The following RASAL2 variants were observed in gnomAD, a reference collection of about 807,000 sequenced individuals.
The protein encoded by RASAL2 is RAS protein activator like 2.
Under a neutral mutation model 128.9 loss-of-function variants are expected in RASAL2, and 58 were observed. That is an observed-to-expected ratio of 0.45 (90% CI 0.36 to 0.56). The LOEUF (loss-of-function observed/expected upper bound fraction) is 0.56. Ranked by LOEUF, RASAL2 falls within the 20% of genes least tolerant of loss-of-function variation. The pLI, the probability that RASAL2 is intolerant of heterozygous loss-of-function variation, is 0.00. For missense variants in RASAL2, 1,360 were observed against 1,601.6 expected (o/e 0.85, Z 2.57); for synonymous variants, 561 against 580.8 (o/e 0.97, Z 0.49).
intron 1 of RASAL2, among the ~76,000 whole-genome samples, chr1:178,154,519 CA>C (rs1348826298): frequency 6.6e-6 from 1 of 152,164 alleles, no homozygotes; most frequent in Non-Finnish European, 1.5e-5. Context: ...CTCCTATTAG[CA>C]GTGTATGAGG....
At chr1:178,460,751 CT>C (rs556077070) in intron 14 of RASAL2, among the ~76,000 whole-genome samples, 1 of 149,730 alleles carries the variant, frequency 6.7e-6, no homozygotes. Context: ...GCTCAAGTTT[CT>C]TTTTTTTTTC....
chr1:178,369,469 C>T (rs1671586167), intron 3 of RASAL2, among the ~76,000 whole-genome samples: 2 of 151,892 alleles, frequency 1.3e-5, no homozygotes, highest in South Asian at 4.2e-4. Context: ...AGTGATCTGC[C>T]TGCCTCAGCC....
At chr1:178,172,688 G>A (rs1015851865) in intron 1 of RASAL2, among the ~76,000 whole-genome samples, 4 of 152,054 alleles carry the variant, frequency 2.6e-5, no homozygotes, top group African/African-American at 4.8e-5. Context: ...ATTTCAGTAT[G>A]TAAACACTTA....
intron 1 of RASAL2, among the ~76,000 whole-genome samples, chr1:178,222,121 G>A (rs1276775131): frequency 6.6e-6 from 1 of 152,106 alleles, no homozygotes; most frequent in East Asian, 1.9e-4. Flanking sequence ...TAATCTATGT[G>A]TGTCTTTATA....
chr1:178,364,663 A>G (rs576533313), intron 3 of RASAL2, among the ~76,000 whole-genome samples: 4 of 152,338 alleles, frequency 2.6e-5, no homozygotes, highest in South Asian at 4.1e-4. Context: ...AATCATAGGT[A>G]TATTGGGTTT....
chr1:178,461,259 GA>G (rs1344001240), intron 14 of RASAL2, among the ~76,000 whole-genome samples: 1 of 152,172 alleles, frequency 6.6e-6, no homozygotes, highest in African/African-American at 2.4e-5. Flanking sequence ...TTCTCTCCCA[GA>G]AACTAGAGGA....
chr1:178,097,355 G>A (rs1658731500), intron 1 of RASAL2, among the ~76,000 whole-genome samples: 1 of 152,160 alleles, frequency 6.6e-6, no homozygotes, highest in Admixed American at 6.5e-5. Context: ...TTACCTGCAG[G>A]TTGGCCTATA....
intron 6 of RASAL2, among the ~76,000 whole-genome samples, 198 bp from the exon 7 acceptor site, chr1:178,441,351 C>T (rs1027444170): frequency 6.6e-5 from 10 of 152,106 alleles, no homozygotes; most frequent in African/African-American, 2.4e-4. Flanking sequence ...GGATGTCGCT[C>T]ATTAGGTTAT....
In RASAL2 at chr1:178,478,310, C is replaced by T. The variant is rs1648814917; in HGVS notation, c.*5071C>T. The T allele has an allele frequency of 6.6e-6, 1 of 152,120 alleles. No homozygotes were observed. The highest frequency in any genetic ancestry group is 2.4e-5 in the African/African-American group (1 of 41,416). 9.4% of individuals were successfully genotyped at this position (152,120 alleles called of 1,614,324 possible). ...GTGATTTCCAAATTTTCGAGGGAAA[C>T]ATTTCAATTCCCAGTTCAACAAAAG... On this transcript the variant is annotated 3_prime_UTR_variant, in exon 18 of 18. Coordinates refer to ENST00000367649, the MANE Select transcript of RASAL2 (RefSeq NM_170692.4).
rs573630169 is a variant in RASAL2 at position 178,294,951 on chromosome 1, A to C, written c.331-5041A>C. Among the ~76,000 whole-genome samples the C allele has an allele frequency of 6.6e-5, 10 of 152,294 alleles. No homozygotes were observed. The South Asian group carries it at 2.1e-3, about 32-fold the overall frequency. The stretch of plus-strand genomic sequence containing the variant: ...AGTATATTGAAAACAGAATAGAGAT[A>C]CTAGTGGTCATGTTGAGCAATGACA... On this transcript the variant is annotated intron_variant, in intron 2 of 17. Coordinates refer to ENST00000367649, the MANE Select transcript of RASAL2 (RefSeq NM_170692.4).
In RASAL2 at chr1:178,135,877, C is replaced by T. The variant is rs533917543; in HGVS notation, c.202+41183C>T. ...GATAAAACCATCAGGTCTCATGAGACGTATTCACTAACACGAGAACAGTAT... is the reference window on the plus strand; with the variant it reads ...GATAAAACCATCAGGTCTCATGAGATGTATTCACTAACACGAGAACAGTAT... On this transcript the variant is annotated intron_variant, in intron 1 of 17. Coordinates refer to ENST00000367649, the MANE Select transcript of RASAL2 (RefSeq NM_170692.4). Among the ~76,000 whole-genome samples the T allele has an allele frequency of 4.6e-5, 7 of 152,158 alleles. No individual in the cohort carries two copies. The East Asian group carries it at 1.2e-3, about 25-fold the overall frequency.
chr1:178,350,009 T>A (rs534772798), intron 3 of RASAL2, among the ~76,000 whole-genome samples: 2 of 152,346 alleles, frequency 1.3e-5, no homozygotes, highest in East Asian at 3.9e-4. Context: ...CCTGTGCTGT[T>A]CTTCCTGTTC....
Position 178,094,122 on chromosome 1 carries a change from G to T in RASAL2, c.-371G>T, listed in dbSNP as rs1346179313. ...CCCAGCCAGAGCCTGGTCTGACCGC[G>T]AGAGACGCCGGCGGGGCTGAAGAAG... On this transcript the variant is annotated 5_prime_UTR_variant, in exon 1 of 18. Transcript: ENST00000367649. 3.8e-6 allele frequency: 1 copy of T among 259,752 alleles called. No individual in the cohort carries two copies. Among genetic ancestry groups the T allele is most frequent in the Non-Finnish European group, 7.3e-6 (1 of 137,658 alleles). 16.1% of individuals were successfully genotyped at this position (259,752 alleles called of 1,614,324 possible). A position where few individuals can be genotyped will look rare whatever the true frequency, so the allele number is the denominator to read the frequency against.
chr1:178,410,946 A>G lies in RASAL2; in HGVS notation c.565-9565A>G, dbSNP rs150803112. On this transcript the variant is annotated intron_variant, in intron 4 of 17. Transcript: ENST00000367649. ...GAGAATGTAAACTAGTACAACCACT[A>G]TGGAAAACAGTATAGAGATTCCTTA... 7.2e-3 allele frequency among the ~76,000 whole-genome samples: 1,104 copies of G among 152,338 alleles called. 9 individuals are homozygous for G. The highest frequency in any genetic ancestry group is 8.7e-3 in the Non-Finnish European group (595 of 68,024).
At chr1:178,179,942 T>G (rs1006133222) in intron 1 of RASAL2, among the ~76,000 whole-genome samples, 3 of 152,190 alleles carry the variant, frequency 2.0e-5, no homozygotes, top group African/African-American at 7.2e-5. Flanking sequence ...CCATTGTACA[T>G]TCAACGTTTA....
At chr1:178,371,423 C>T (rs2102520000) in intron 3 of RASAL2, among the ~76,000 whole-genome samples, 1 of 151,468 alleles carries the variant, frequency 6.6e-6, no homozygotes, top group East Asian at 1.9e-4. Flanking sequence ...ACTAGAAGCC[C>T]AGAATTGCCC....
intron 1 of RASAL2, among the ~76,000 whole-genome samples, chr1:178,199,059 G>A (rs1467519130): frequency 1.3e-5 from 2 of 152,204 alleles, no homozygotes; most frequent in South Asian, 2.1e-4. Context: ...CCTGCAGTTC[G>A]ATCTGGGACT....
intron 3 of RASAL2, among the ~76,000 whole-genome samples, chr1:178,343,804 AAC>A (rs1670003339): frequency 6.9e-6 from 1 of 145,590 alleles, no homozygotes. Context: ...AGAAAAAAAA[AAC>A]AATAAAAAGG....
chr1:178,230,897 A>T (rs958106038), intron 1 of RASAL2, among the ~76,000 whole-genome samples: 6 of 152,260 alleles, frequency 3.9e-5, no homozygotes, highest in Non-Finnish European at 8.8e-5. Flanking sequence ...GGGGCCTGCT[A>T]GCACTTGGGA....
Sources: gnomAD v4.1 joint callset for allele counts (sites outside exome capture counted in the v4.1 genomes callset) on GRCh38, gnomAD v4.1.1 for gene constraint, MANE v1.5 for transcripts, NCBI Gene and HGNC (gene_info 2026-07-23, HGNC 2026-07-21) for gene names.